HDLBP: variants seen among roughly 807,000 people sequenced by gnomAD.
HDLBP encodes the protein vigilin.
In HDLBP, 30 loss-of-function variants were observed where a neutral mutation model predicts 137.3. That is an observed-to-expected ratio of 0.22 (90% CI 0.16 to 0.30). The LOEUF is 0.30. Among genes scored for constraint, HDLBP ranks in the 10% least tolerant of loss-of-function variants. The pLI is 1.00. For synonymous variants in HDLBP, 606 were observed against 596.0 expected (o/e 1.02, Z -0.24); for missense variants, 1,119 against 1,667.3 (o/e 0.67, Z 5.73).
At chr2:241,259,399 A>G (rs1354211675) in intron 5 of HDLBP, among the ~76,000 whole-genome samples, 1 of 152,250 alleles carries the variant, frequency 6.6e-6, no homozygotes, top group Non-Finnish European at 1.5e-5. Flanking sequence ...AAATGTTGAA[A>G]TACTTTAAAA....
At chr2:241,313,022 T>C (rs2075799066) in intron 1 of HDLBP, among the ~76,000 whole-genome samples, 1 of 152,172 alleles carries the variant, frequency 6.6e-6, no homozygotes, top group African/African-American at 2.4e-5. Context: ...ACTATAAATG[T>C]CAGCCTCCTC....
chr2:241,296,115 A>AG (rs1280213204), intron 1 of HDLBP, among the ~76,000 whole-genome samples: 17 of 152,154 alleles, frequency 1.1e-4, no homozygotes, highest in Non-Finnish European at 1.8e-4. Context: ...AAAAAAAAAA[A>AG]AAAGCTGGGA....
rs867589756 is a variant in HDLBP at position 241,239,022 on chromosome 2, G to A, written c.2611-235C>T. Among the ~76,000 whole-genome samples the A allele has an allele frequency of 1.3e-5, 2 of 152,182 alleles. No individual in the cohort carries two copies. The highest frequency in any genetic ancestry group is 1.3e-4 in the Admixed American group (2 of 15,286). ...CCCAGAAGGCCAGGTGCCATCCCTGGAGGGTGGCCAATTCAGCCAAAGGAG... is the reference window on the plus strand; with the variant it reads ...CCCAGAAGGCCAGGTGCCATCCCTGAAGGGTGGCCAATTCAGCCAAAGGAG... On this transcript the variant is annotated intron_variant, in intron 19 of 27. Transcript: ENST00000310931. The surrounding 1 kb of genome is among the most constrained non-coding windows in gnomAD (Gnocchi z 4.6).
intron 10 of HDLBP, 106 bp from the exon 11 acceptor site, chr2:241,253,141 T>G (rs931931337): frequency 7.7e-6 from 6 of 777,646 alleles, no homozygotes; most frequent in African/African-American, 1.7e-5. Context: ...CACTCAGCTG[T>G]CAGGAATTGT....
chr2:241,307,226 T>G (rs1229548319), intron 1 of HDLBP, among the ~76,000 whole-genome samples: 1 of 152,192 alleles, frequency 6.6e-6, no homozygotes, highest in Non-Finnish European at 1.5e-5. Flanking sequence ...CAAGAACTTC[T>G]GAGACTACAA....
At chr2:241,242,718 T>C in intron 16 of HDLBP, 40 bp from the exon 17 acceptor site, 1 of 1,552,438 alleles carries the variant, frequency 6.4e-7, no homozygotes, top group Non-Finnish European at 8.8e-7. Flanking sequence ...AGTCACATTT[T>C]TGTGGCAAAA....
Position 241,256,024 on chromosome 2 carries a change from G to A in HDLBP, c.873+160C>T, listed in dbSNP as rs56220166. 6.9e-3 allele frequency among the ~76,000 whole-genome samples: 1,043 copies of A among 152,246 alleles called. 11 individuals carry two copies. Among genetic ancestry groups the A allele is most frequent in the African/African-American group, 0.023 (968 of 41,532 alleles). Reference sequence around the variant, plus strand: ...CAGATGCTCAACAGCAAGGGGGGGCGGGCACCGATCTCACCCGGGTCACTC... The same window carrying A: ...CAGATGCTCAACAGCAAGGGGGGGCAGGCACCGATCTCACCCGGGTCACTC... On this transcript the variant is annotated intron_variant, in intron 7 of 27. Transcript: ENST00000310931.
chr2:241,240,160 C>A lies in HDLBP; in HGVS notation c.2170-38G>T. The A allele has an allele frequency of 1.9e-6, 3 of 1,590,990 alleles. No individual in the cohort carries two copies. The highest frequency in any genetic ancestry group is 2.6e-6 in the Non-Finnish European group (3 of 1,158,916). On this transcript the variant is annotated intron_variant, in intron 17 of 27. Coordinates refer to ENST00000310931, the MANE Select transcript of HDLBP (RefSeq NM_005336.6). This position sits in a 1 kb window ranked among gnomAD's most constrained non-coding sequence, Gnocchi z 5.5. ...ATCCCACTGTGTTAGCCTGACACCA[C>A]GTGCCTGGACCACAGTGAGGAAGAC...
At chr2:241,313,392 G>A (rs1278931432) in intron 1 of HDLBP, among the ~76,000 whole-genome samples, 6 of 152,130 alleles carry the variant, frequency 3.9e-5, no homozygotes. Flanking sequence ...CGATTCTCAT[G>A]CCTCAGCCTC....
At chr2:241,267,656 C>G in intron 2 of HDLBP, 1 of 1,535,686 alleles carries the variant, frequency 6.5e-7, no homozygotes, top group Non-Finnish European at 8.7e-7. Flanking sequence ...CATCCAGGCC[C>G]CAAACTAAAC....
intron 1 of HDLBP, among the ~76,000 whole-genome samples, chr2:241,298,152 C>T (rs776017406): frequency 6.8e-5 from 10 of 146,142 alleles, no homozygotes; most frequent in Non-Finnish European, 1.2e-4. Flanking sequence ...GCTGCCTGAG[C>T]TCAGGAGTTT....
Position 241,272,182 on chromosome 2 carries a change from C to A in HDLBP, c.-102-3641G>T. The A allele has an allele frequency of 1.0e-6, 1 of 985,288 alleles. No homozygotes were observed. Among genetic ancestry groups the A allele is most frequent in the Non-Finnish European group, 1.2e-6 (1 of 829,804 alleles). 61.0% of individuals were successfully genotyped at this position (985,288 alleles called of 1,614,324 possible). On this transcript the variant is annotated intron_variant, in intron 1 of 27. Transcript: ENST00000310931. This position sits in a 1 kb window ranked among gnomAD's most constrained non-coding sequence, Gnocchi z 5.6. The stretch of plus-strand genomic sequence containing the variant: ...CCGAACACGTAGACTGACGCGGGCC[C>A]CGCGCGGCAGGTGGAGGTGCTGCGG...
chr2:241,256,107 G>A, intron 7 of HDLBP, 77 bp downstream of exon 7: 1 of 1,205,666 alleles, frequency 8.3e-7, no homozygotes. Context: ...GCAGAACCAG[G>A]CCTTAACTGA....
At chr2:241,255,708 C>A (rs1017397177) in intron 7 of HDLBP, 128 bp from the exon 8 acceptor site, 4 of 709,686 alleles carry the variant, frequency 5.6e-6, no homozygotes, top group African/African-American at 5.3e-5. Context: ...AAGAAGTGAA[C>A]AACAAGTGAT....
At chr2:241,314,473 T>C (rs2075919776) in intron 1 of HDLBP, among the ~76,000 whole-genome samples, 2 of 152,174 alleles carry the variant, frequency 1.3e-5, no homozygotes, top group African/African-American at 4.8e-5. Flanking sequence ...AAGTCATTGA[T>C]TGAGGGCTTA....
chr2:241,257,444 G>A (rs1241314659), intron 5 of HDLBP, among the ~76,000 whole-genome samples: 7 of 152,150 alleles, frequency 4.6e-5, no homozygotes, highest in African/African-American at 1.2e-4. Flanking sequence ...TGTTGGCCCC[G>A]ATGGTCTCGA....
chr2:241,313,864 T>C (rs1282610350), intron 1 of HDLBP, among the ~76,000 whole-genome samples: 1 of 152,210 alleles, frequency 6.6e-6, no homozygotes, highest in Non-Finnish European at 1.5e-5. Flanking sequence ...GTCAACTATA[T>C]CTTTGAGGTG....
At chr2:241,236,033 G>A (rs564004668) in intron 21 of HDLBP, 5 of 190,860 alleles carry the variant, frequency 2.6e-5, no homozygotes, top group East Asian at 1.4e-4. Context: ...CTCTCAGACC[G>A]CTGCTCACCT....
intron 1 of HDLBP, among the ~76,000 whole-genome samples, chr2:241,306,503 C>T (rs2075579073): frequency 6.6e-6 from 1 of 152,180 alleles, no homozygotes; most frequent in Middle Eastern, 3.4e-3. Flanking sequence ...AGGTGATCTG[C>T]CCGCCTCAGC....
Sources: allele counts gnomAD v4.1 joint callset (sites outside exome capture counted in the v4.1 genomes callset), GRCh38; gene constraint gnomAD v4.1.1; non-coding constraint Gnocchi (gnomAD v3.1); transcripts MANE v1.5; gene names NCBI Gene and HGNC (gene_info 2026-07-23, HGNC 2026-07-21).